The following TRIM71 variants were observed in gnomAD, a reference collection of about 807,000 sequenced individuals.
TRIM71 encodes the protein E3 ubiquitin-protein ligase TRIM71.
Under a neutral mutation model 61.2 loss-of-function variants are expected in TRIM71, and 9 were observed. The ratio of observed to expected loss-of-function variants is 0.15; its 90% CI spans 0.09 to 0.26. The LOEUF is 0.26. Among genes scored for constraint, TRIM71 ranks in the 10% least tolerant of loss-of-function variants. The pLI is 1.00. For missense variants in TRIM71, 998 were observed against 1,238.7 expected, an observed-to-expected ratio of 0.81 and a Z score of 2.92; for synonymous variants, 645 against 553.2, an observed-to-expected ratio of 1.17 and a Z score of -2.33.
At chr3:32,869,727 T>G (rs1045459120) in intron 1 of TRIM71, among the ~76,000 whole-genome samples, 2 of 152,160 alleles carry the variant, frequency 1.3e-5, no homozygotes, top group Non-Finnish European at 2.9e-5. Context: ...CATTCCTAGG[T>G]CTTTGTCTCT....
intron 2 of TRIM71, among the ~76,000 whole-genome samples, chr3:32,879,627 C>G (rs1280846532): frequency 6.6e-6 from 1 of 150,966 alleles, no homozygotes; most frequent in African/African-American, 2.4e-5. Context: ...AAAATGACAC[C>G]AGTAGATTTG....
chr3:32,828,330 T>G (rs1696227698), intron 1 of TRIM71, among the ~76,000 whole-genome samples: 1 of 152,148 alleles, frequency 6.6e-6, no homozygotes, highest in South Asian at 2.1e-4. Flanking sequence ...GCAGTCTTAA[T>G]CAAGTGTCTA....
At chr3:32,867,666 A>T (rs949779361) in intron 1 of TRIM71, among the ~76,000 whole-genome samples, 3 of 152,186 alleles carry the variant, frequency 2.0e-5, no homozygotes, top group African/African-American at 7.2e-5. Context: ...GTCTGTATGC[A>T]TTGTAGAGTA....
rs1295892940 is a variant in TRIM71 at position 32,818,155 on chromosome 3, C to T, written c.75C>T (p.Leu25=). The change falls in exon 1 of 4, where the codon CTC becomes CTT. Residue 25 remains leucine, a synonymous_variant. Transcript: ENST00000383763. ...CKEMCGSPAP[L]SSNSSASSSS... is the part of the protein sequence containing the mutation. ...AGATGTGCGGCTCGCCGGCGCCGCT[C>T]TCCTCCAACTCGTCCGCGTCGTCGT... 3 of 1,607,452 alleles carry T rather than the reference C, an allele frequency of 1.9e-6. No individual in the cohort carries two copies. Among genetic ancestry groups the T allele is most frequent in the African/African-American group, 1.3e-5 (1 of 74,332 alleles).
intron 1 of TRIM71, among the ~76,000 whole-genome samples, chr3:32,839,667 G>T (rs533199186): frequency 5.4e-3 from 733 of 135,850 alleles, no homozygotes; most frequent in African/African-American, 7.6e-3. Flanking sequence ...TTTTTGGGGG[G>T]GGGGTGGGGG....
chr3:32,887,394 A>C (rs2125692534), intron 3 of TRIM71, among the ~76,000 whole-genome samples: 1 of 151,974 alleles, frequency 6.6e-6, no homozygotes, highest in South Asian at 2.1e-4. Flanking sequence ...AGAGCATTCC[A>C]AAATAAGCTT....
intron 2 of TRIM71, among the ~76,000 whole-genome samples, chr3:32,882,166 G>T (rs1252064299): frequency 6.6e-6 from 1 of 151,626 alleles, no homozygotes; most frequent in East Asian, 2.0e-4. Context: ...TGCTCTTGTA[G>T]CCCAGGCTGG....
At chr3:32,859,799 G>A (rs950591552) in intron 1 of TRIM71, among the ~76,000 whole-genome samples, 2 of 152,156 alleles carry the variant, frequency 1.3e-5, no homozygotes, top group African/African-American at 4.8e-5. Flanking sequence ...TGGGAAGAGG[G>A]ATGGGGAGCA....
At chr3:32,849,810 A>G (rs1696518185) in intron 1 of TRIM71, among the ~76,000 whole-genome samples, 1 of 152,194 alleles carries the variant, frequency 6.6e-6, no homozygotes, top group African/African-American at 2.4e-5. Context: ...CCCTTTAAGA[A>G]TCTGACCTGT....
At chr3:32,871,393 G>A (rs565604847) in intron 1 of TRIM71, among the ~76,000 whole-genome samples, 5 of 152,312 alleles carry the variant, frequency 3.3e-5, no homozygotes, top group African/African-American at 1.2e-4. Context: ...TCTCAAGGTT[G>A]CTTAGCTGTT....
Position 32,895,400 on chromosome 3 carries a change from A to C in TRIM71, c.*3589A>C, listed in dbSNP as rs1458587854. ...GCAAGAGATAGCTTGAGATCGGCTC[A>C]GTCTGATTTATTCTAGTTAAGCCAA... On this transcript the variant is annotated 3_prime_UTR_variant, in exon 4 of 4. Transcript: ENST00000383763. 3 of 152,204 alleles carry C rather than the reference A, an allele frequency of 2.0e-5. No homozygotes were observed. Among genetic ancestry groups the C allele is most frequent in the Non-Finnish European group, 4.4e-5 (3 of 68,020 alleles). The allele number at this position is 152,204 out of a possible 1,614,324, so 9.4% of individuals were successfully genotyped here.
At chr3:32,819,264 C>T (rs1041647871) in intron 1 of TRIM71, among the ~76,000 whole-genome samples, 2 of 9,654 alleles carry the variant, frequency 2.1e-4, no homozygotes, top group Non-Finnish European at 6.6e-3. Context: ...TTTGTGTAGA[C>T]GTGGCCTGCT....
chr3:32,860,982 C>T lies in TRIM71; in HGVS notation c.853-12836C>T, dbSNP rs184005405. On this transcript the variant is annotated intron_variant, in intron 1 of 3. Transcript: ENST00000383763. Reference sequence around the variant, plus strand: ...TTGAGTGCAGGAGTTTGAGACCAGCCTGGCCAACATGCTGAAACCCCATCT... The same window carrying T: ...TTGAGTGCAGGAGTTTGAGACCAGCTTGGCCAACATGCTGAAACCCCATCT... 4.3e-3 allele frequency among the ~76,000 whole-genome samples: 659 copies of T among 151,904 alleles called. 4 individuals carry two copies. Among genetic ancestry groups the T allele is most frequent in the African/African-American group, 0.015 (621 of 41,452 alleles).
At chr3:32,830,189 C>T (rs1012355685) in intron 1 of TRIM71, among the ~76,000 whole-genome samples, 4 of 152,116 alleles carry the variant, frequency 2.6e-5, no homozygotes, top group African/African-American at 4.8e-5. Context: ...TCCCAAAATG[C>T]TGGGATTACA....
intron 1 of TRIM71, among the ~76,000 whole-genome samples, chr3:32,865,642 A>AATAGTTC (rs1370069792): frequency 6.6e-6 from 1 of 151,940 alleles, no homozygotes; most frequent in Non-Finnish European, 1.5e-5. Flanking sequence ...TCACACTTTT[A>AATAGTTC]ATAGTTCTGA....
intron 1 of TRIM71, among the ~76,000 whole-genome samples, chr3:32,833,184 TA>T (rs1182178339): frequency 0.015 from 813 of 54,392 alleles, 24 homozygotes; most frequent in Admixed American, 0.11. Flanking sequence ...ACTCTGTCTT[TA>T]AAAAAAAAAA....
intron 2 of TRIM71, among the ~76,000 whole-genome samples, chr3:32,875,596 G>T (rs77526411): frequency 0.024 from 3,687 of 152,228 alleles, 186 homozygotes; most frequent in East Asian, 0.24. Context: ...ATCCTAGCAC[G>T]TTGGGAGGCC....
intron 1 of TRIM71, among the ~76,000 whole-genome samples, chr3:32,835,111 G>C (rs1696320397): frequency 6.6e-6 from 1 of 152,184 alleles, no homozygotes. Context: ...AAATCATGAA[G>C]ATGAGAAGGA....
At chr3:32,888,434 C>CAAA (rs56834147) in intron 3 of TRIM71, among the ~76,000 whole-genome samples, 2 of 95,858 alleles carry the variant, frequency 2.1e-5, no homozygotes, top group African/African-American at 8.9e-5. Context: ...CCATCTCTAC[C>CAAA]AAAAAAAAAA....
Sources: allele counts gnomAD v4.1 joint callset (sites outside exome capture counted in the v4.1 genomes callset), GRCh38; gene constraint gnomAD v4.1.1; transcripts MANE v1.5; gene names NCBI Gene and HGNC (gene_info 2026-07-23, HGNC 2026-07-21).